Variants in AUTS2 observed in about 807,000 individuals in gnomAD.
AUTS2 encodes the protein autism susceptibility gene 2 protein.
In AUTS2, 17 loss-of-function variants were observed where a neutral mutation model predicts 112.4. The ratio of observed to expected loss-of-function variants is 0.15; its 90% CI spans 0.10 to 0.23. The LOEUF is 0.23. Ranked by LOEUF, AUTS2 falls within the 10% of genes least tolerant of loss-of-function variation. The pLI is 1.00. For synonymous variants in AUTS2, 751 were observed against 702.7 expected, an observed-to-expected ratio of 1.07 and a Z score of -1.09; for missense variants, 1,510 against 1,701.6, an observed-to-expected ratio of 0.89 and a Z score of 1.98.
chr7:69,661,998 G>A (rs1310722929), intron 1 of AUTS2, among the ~76,000 whole-genome samples: 4 of 152,108 alleles, frequency 2.6e-5, no homozygotes, highest in South Asian at 4.1e-4. Flanking sequence ...GCTTTCACAG[G>A]TTTGTAGGAG....
Position 69,872,834 on chromosome 7 carries a change from C to CTTTTTTTTTT in AUTS2, c.310-26435_310-26426dup, listed in dbSNP as rs1164356683. On this transcript the variant is annotated intron_variant, in intron 1 of 18. Transcript: ENST00000342771. ...GGTGGCACTTGATGTAGCCTATATT[C>CTTTTTTTTTT]TTTTTTTTTTTTTTTTTTTTTTTTT... 3.8e-4 allele frequency among the ~76,000 whole-genome samples: 27 copies of CTTTTTTTTTT among 70,422 alleles called. 3 individuals are homozygous for CTTTTTTTTTT. Among genetic ancestry groups the CTTTTTTTTTT allele is most frequent in the African/African-American group, 6.2e-4 (10 of 16,056 alleles). 46.2% of individuals were successfully genotyped at this position (70,422 alleles called of 152,430 possible).
intron 1 of AUTS2, among the ~76,000 whole-genome samples, chr7:69,746,645 G>A (rs1787508685): frequency 1.3e-5 from 2 of 152,208 alleles, no homozygotes; most frequent in South Asian, 4.1e-4. Flanking sequence ...GAGTAGCAAG[G>A]ACGTCAGCCT....
intron 4 of AUTS2, among the ~76,000 whole-genome samples, chr7:70,261,647 C>T (rs1462097117): frequency 1.3e-5 from 2 of 152,166 alleles, no homozygotes; most frequent in African/African-American, 4.8e-5. Flanking sequence ...ATTTAAATAT[C>T]AGTTTCCCTA....
intron 3 of AUTS2, among the ~76,000 whole-genome samples, chr7:70,120,689 A>G (rs1805637671): frequency 2.0e-5 from 3 of 152,168 alleles, no homozygotes; most frequent in Admixed American, 2.0e-4. Context: ...CCTCTAACTC[A>G]CTTTCTGTTA....
At chr7:70,483,385 G>A (rs532818631) in intron 5 of AUTS2, among the ~76,000 whole-genome samples, 17 of 152,282 alleles carry the variant, frequency 1.1e-4, no homozygotes, top group African/African-American at 3.1e-4. Context: ...CATGTTCCTC[G>A]GCTTCCCTCT....
At chr7:70,354,538 A>G (rs1460227035) in intron 4 of AUTS2, among the ~76,000 whole-genome samples, 1 of 152,190 alleles carries the variant, frequency 6.6e-6, no homozygotes, top group Non-Finnish European at 1.5e-5. Flanking sequence ...CAACTTAAAG[A>G]TGAGCAATTT....
At chr7:69,694,637 C>T (rs1302811452) in intron 1 of AUTS2, among the ~76,000 whole-genome samples, 1 of 152,104 alleles carries the variant, frequency 6.6e-6, no homozygotes. Flanking sequence ...GAATAGATCA[C>T]AAATTAAACT....
intron 4 of AUTS2, among the ~76,000 whole-genome samples, chr7:70,321,768 A>C (rs1562878461): frequency 6.6e-6 from 1 of 152,234 alleles, no homozygotes; most frequent in Non-Finnish European, 1.5e-5. Flanking sequence ...CATTAAACAT[A>C]CAGTCATGTC....
chr7:70,060,019 T>C (rs919048954), intron 2 of AUTS2, among the ~76,000 whole-genome samples: 7 of 152,242 alleles, frequency 4.6e-5, no homozygotes, highest in Non-Finnish European at 7.3e-5. Context: ...AATTAGATTT[T>C]CTTATAATGA....
chr7:70,010,056 C>T (rs2129554095), intron 2 of AUTS2, among the ~76,000 whole-genome samples: 1 of 152,310 alleles, frequency 6.6e-6, no homozygotes, highest in Non-Finnish European at 1.5e-5. Context: ...CCTGTCTTCC[C>T]TGTCCCAAGT....
chr7:69,737,785 C>A (rs1019755593), intron 1 of AUTS2, among the ~76,000 whole-genome samples: 1 of 152,072 alleles, frequency 6.6e-6, no homozygotes, highest in African/African-American at 2.4e-5. Context: ...TACAGTGAAC[C>A]CAAACAAGTC....
At chr7:69,617,893 TTGCC>T (rs1043549651) in intron 1 of AUTS2, among the ~76,000 whole-genome samples, 1 of 152,146 alleles carries the variant, frequency 6.6e-6, no homozygotes, top group African/African-American at 2.4e-5. Flanking sequence ...GGAAACGGCT[TTGCC>T]AGTGCCAGAA....
intron 5 of AUTS2, among the ~76,000 whole-genome samples, chr7:70,495,550 C>A (rs1003649454): frequency 6.6e-6 from 1 of 151,470 alleles, no homozygotes; most frequent in African/African-American, 2.4e-5. Context: ...TAGACACACA[C>A]CCCCCGCACA....
At chr7:69,650,268 G>T (rs1288295348) in intron 1 of AUTS2, among the ~76,000 whole-genome samples, 1 of 152,196 alleles carries the variant, frequency 6.6e-6, no homozygotes, top group Non-Finnish European at 1.5e-5. Context: ...GATGCTTGCT[G>T]AGGGAGGGCC....
At chr7:70,173,948 C>T (rs1808847207) in intron 4 of AUTS2, among the ~76,000 whole-genome samples, 1 of 152,126 alleles carries the variant, frequency 6.6e-6, no homozygotes, top group African/African-American at 2.4e-5. Context: ...AATAACACTA[C>T]ACTGGACTCT....
At chr7:69,769,674 T>C (rs189252963) in intron 1 of AUTS2, among the ~76,000 whole-genome samples, 2 of 152,284 alleles carry the variant, frequency 1.3e-5, no homozygotes, top group African/African-American at 4.8e-5. Flanking sequence ...CCAGAGCTTG[T>C]GGGTGAACAG....
intron 1 of AUTS2, among the ~76,000 whole-genome samples, chr7:69,862,447 A>G (rs1408562469): frequency 1.3e-5 from 2 of 152,180 alleles, no homozygotes; most frequent in Non-Finnish European, 2.9e-5. Context: ...TTGCATAGCT[A>G]TAGACACTTT....
At chr7:69,936,761 A>T (rs1449159744) in intron 2 of AUTS2, among the ~76,000 whole-genome samples, 1 of 152,216 alleles carries the variant, frequency 6.6e-6, no homozygotes. Context: ...TAGAGTTGAC[A>T]TCAGTGGTAA....
At chr7:69,987,625 C>A (rs1372458203) in intron 2 of AUTS2, among the ~76,000 whole-genome samples, 1 of 152,020 alleles carries the variant, frequency 6.6e-6, no homozygotes, top group Admixed American at 6.6e-5. Flanking sequence ...GCCACTATGC[C>A]CTGTAAATTT....
Sources: gnomAD v4.1 joint callset for allele counts (sites outside exome capture counted in the v4.1 genomes callset) on GRCh38, gnomAD v4.1.1 for gene constraint, MANE v1.5 for transcripts, NCBI Gene and HGNC (gene_info 2026-07-23, HGNC 2026-07-21) for gene names.